Variants in CRHBP observed in about 807,000 individuals in gnomAD.
The protein encoded by CRHBP is corticotropin-releasing hormone-binding protein.
In CRHBP, 19 loss-of-function variants were observed where a neutral mutation model predicts 34.9. That is an observed-to-expected ratio of 0.55 (90% CI 0.38 to 0.80). The LOEUF is 0.80. CRHBP is among the 30% of genes least tolerant of loss of function. CRHBP has a pLI of 0.00. For missense variants in CRHBP, 328 were observed against 409.2 expected (o/e 0.80, Z 1.71); for synonymous variants, 154 against 153.4 (o/e 1.00, Z -0.03).
intron 6 of CRHBP, among the ~76,000 whole-genome samples, chr5:76,966,853 TAATA>T (rs997531303): frequency 1.3e-5 from 2 of 152,170 alleles, no homozygotes; most frequent in Non-Finnish European, 2.9e-5. Flanking sequence ...TAGTTCAAAA[TAATA>T]AATAAATAAT....
Position 76,969,361 on chromosome 5 carries a change from A to G in CRHBP, c.*476A>G, listed in dbSNP as rs1280727098. 1 of 152,832 alleles carries G rather than the reference A, an allele frequency of 6.5e-6. No homozygotes were observed. Among genetic ancestry groups the G allele is most frequent in the Non-Finnish European group, 1.5e-5 (1 of 68,154 alleles). 9.5% of individuals were successfully genotyped at this position (152,832 alleles called of 1,614,324 possible). ...TGTTACAATAGGTAATAGTTATAGC[A>G]ATTATTTATTGATTTGTAACAACTT... On this transcript the variant is annotated 3_prime_UTR_variant, in exon 7 of 7. Transcript: ENST00000274368.
chr5:76,955,605 C>T (rs1745656060), intron 3 of CRHBP, 48 bp from the exon 4 acceptor site: 2 of 1,561,730 alleles, frequency 1.3e-6, no homozygotes, highest in Admixed American at 1.7e-5. Context: ...TTTCAGACTT[C>T]AGGAGTTGAT....
Position 76,968,884 on chromosome 5 carries a change from G to A in CRHBP, c.968G>A (p.Ter323=). 2.5e-6 allele frequency: 4 copies of A among 1,612,842 alleles called. No individual in the cohort carries two copies. The highest frequency in any genetic ancestry group is 3.4e-6 in the Non-Finnish European group (4 of 1,179,308). ...GGGGAATTCTGTTTGTCTGGTCTTTGAATAACCAACCCAGTGATTTACATG... is the reference window on the plus strand; with the variant it reads ...GGGGAATTCTGTTTGTCTGGTCTTTAAATAACCAACCCAGTGATTTACATG... The part of the protein sequence containing the change: ...SIGEFCLSGL[*] Residue 323 remains the stop codon, a stop_retained_variant, in exon 7 of 7, where the codon TGA becomes TAA. Transcript: ENST00000274368.
At position 76,953,702 on chromosome 5, in the gene CRHBP, G is replaced by C. The variant is rs531653149; in HGVS notation, c.175+8G>C. ...CGTACCGCCGCGCTCTGCGTGAGTC[G>C]AGGCTGCCCGGCTCGCGGGCGCCCG... On this transcript the variant is annotated splice_region_variant and intron_variant, in intron 2 of 6. Coordinates refer to ENST00000274368, the MANE Select transcript of CRHBP (RefSeq NM_001882.4). The C allele has an allele frequency of 3.1e-6, 5 of 1,602,412 alleles. No individual in the cohort carries two copies. Among genetic ancestry groups the C allele is most frequent in the Non-Finnish European group, 4.3e-6 (5 of 1,174,418 alleles).
downstream of CRHBP, among the ~76,000 whole-genome samples, chr5:76,972,563 C>G (rs1319788485): frequency 6.6e-6 from 1 of 152,086 alleles, no homozygotes; most frequent in Non-Finnish European, 1.5e-5. Context: ...AATTTCTGGG[C>G]TCAAGCGATC....
chr5:76,965,235 T>A (rs1368645363), intron 6 of CRHBP, among the ~76,000 whole-genome samples: 1 of 152,170 alleles, frequency 6.6e-6, no homozygotes, highest in Non-Finnish European at 1.5e-5. Context: ...GGAACCAATC[T>A]CCTGAGGATA....
At chr5:76,962,124 ATT>A (rs1409201603) in intron 5 of CRHBP, among the ~76,000 whole-genome samples, 1 of 151,886 alleles carries the variant, frequency 6.6e-6, no homozygotes, top group African/African-American at 2.4e-5. Context: ...TAAGTTCTCT[ATT>A]TTAGATTTTG....
downstream of CRHBP, among the ~76,000 whole-genome samples, chr5:76,973,119 A>G (rs1323322829): frequency 6.6e-6 from 1 of 152,208 alleles, no homozygotes; most frequent in African/African-American, 2.4e-5. Flanking sequence ...AATGAGAAAT[A>G]AATTTTTATT....
chr5:76,968,204 G>GTTTTTTTTTT (rs34392609), intron 6 of CRHBP, among the ~76,000 whole-genome samples: 3 of 132,414 alleles, frequency 2.3e-5, no homozygotes, highest in Non-Finnish European at 3.2e-5. Context: ...GTTTTTTTTT[G>GTTTTTTTTTT]TTTTTTTTTT....
At chr5:76,956,100 T>G (rs112622291) in intron 4 of CRHBP, among the ~76,000 whole-genome samples, 18 of 152,320 alleles carry the variant, frequency 1.2e-4, no homozygotes, top group African/African-American at 4.1e-4. Flanking sequence ...CAATTCTATC[T>G]TTTCTCCAAA....
intron 3 of CRHBP, among the ~76,000 whole-genome samples, chr5:76,980,215 A>C (rs1002315247): frequency 1.2e-4 from 17 of 137,208 alleles, no homozygotes; most frequent in Admixed American, 1.1e-3. Context: ...AGATCGCGCC[A>C]CTGCACTCCA....
chr5:76,976,670 C>T (rs1260233143), intron 3 of CRHBP: 2 of 152,200 alleles, frequency 1.3e-5, no homozygotes, highest in Non-Finnish European at 2.9e-5. Context: ...AGTCAAGGCA[C>T]ATGGTAGACA....
chr5:76,961,780 G>A (rs1467492383), intron 5 of CRHBP, among the ~76,000 whole-genome samples: 1 of 152,080 alleles, frequency 6.6e-6, no homozygotes, highest in Non-Finnish European at 1.5e-5. Context: ...CGGAGACAGA[G>A]TCTCACTCTG....
At chr5:76,956,741 G>T (rs1745677014) in intron 4 of CRHBP, among the ~76,000 whole-genome samples, 1 of 151,106 alleles carries the variant, frequency 6.6e-6, no homozygotes, top group Non-Finnish European at 1.5e-5. Context: ...AAAAAAAAAT[G>T]AATTTACTCA....
chr5:76,958,868 C>A lies in CRHBP; in HGVS notation c.672C>A (p.His224Gln). ...AAATATCTGATCTTACCCTGGGACA[C>A]GTAAATGGTCTTCAGTTAAAGGTGA... ...VIKISDLTLGHVNGLQLKKSS... is the reference protein window; with the variant it reads ...VIKISDLTLGQVNGLQLKKSS... The change falls in exon 5 of 7, where the codon CAC becomes CAA. Residue 224 changes from histidine to glutamine, a missense_variant. His to Gln is a conservative substitution (Grantham distance 24, BLOSUM62 0). Around this residue, in one of 3 missense-constraint regions of CRHBP, gnomAD observed 144 missense variants for 216.7 expected, o/e 0.66. Transcript: ENST00000274368. 1 of 1,613,886 alleles carries A rather than the reference C, an allele frequency of 6.2e-7. No individual in the cohort carries two copies.
chr5:76,959,648 A>T (rs1745744839), intron 5 of CRHBP, among the ~76,000 whole-genome samples: 1 of 152,184 alleles, frequency 6.6e-6, no homozygotes, highest in Non-Finnish European at 1.5e-5. Context: ...GATTTTAGTG[A>T]AAACCAAATA....
intron 4 of CRHBP, 92 bp downstream of exon 4, chr5:76,955,955 A>T: frequency 8.7e-7 from 1 of 1,150,712 alleles, no homozygotes; most frequent in Non-Finnish European, 1.2e-6. Context: ...ATTTGAACTG[A>T]GGAATGATTT....
intron 6 of CRHBP, among the ~76,000 whole-genome samples, chr5:76,965,723 C>G (rs960200279): frequency 6.6e-6 from 1 of 152,158 alleles, no homozygotes; most frequent in Non-Finnish European, 1.5e-5. Flanking sequence ...CCTACATTAC[C>G]TAGGTAACTG....
intron 5 of CRHBP, among the ~76,000 whole-genome samples, chr5:76,961,376 C>A (rs2150707119): frequency 6.6e-6 from 1 of 152,284 alleles, no homozygotes; most frequent in South Asian, 2.1e-4. Flanking sequence ...CCTGCAACAG[C>A]ACCTGCTGAA....
Sources: allele counts gnomAD v4.1 joint callset (sites outside exome capture counted in the v4.1 genomes callset), GRCh38; gene constraint gnomAD v4.1.1; regional missense constraint gnomAD v4.1.1; transcripts MANE v1.5; gene names NCBI Gene and HGNC (gene_info 2026-07-23, HGNC 2026-07-21).